Variants in LOC400499 observed in about 807,000 individuals in gnomAD.
At chr16:11,373,918 C>T in the LOC400499 span, among the ~76,000 whole-genome samples, 2 of 152,138 alleles carry the variant, frequency 1.3e-5, no homozygotes, top group Non-Finnish European at 2.9e-5. Flanking sequence ...CCTTGCCTGG[C>T]CGGGAAGCAC....
the LOC400499 span, among the ~76,000 whole-genome samples, chr16:11,373,897 G>A: frequency 6.6e-6 from 1 of 152,280 alleles, no homozygotes; most frequent in South Asian, 2.1e-4. Flanking sequence ...TGGCATTACA[G>A]GCATGAGTGA....
chr16:11,468,945 T>C, the LOC400499 span, among the ~76,000 whole-genome samples: 1 of 152,266 alleles, frequency 6.6e-6, no homozygotes, highest in East Asian at 1.9e-4. Context: ...TAAAAGCATG[T>C]TTTTGTGTTA....
the LOC400499 span, among the ~76,000 whole-genome samples, chr16:11,461,283 G>C: frequency 6.6e-6 from 1 of 152,222 alleles, no homozygotes; most frequent in Non-Finnish European, 1.5e-5. Flanking sequence ...AGACAGGCCT[G>C]ATCACAGCTC....
the LOC400499 span, among the ~76,000 whole-genome samples, chr16:11,418,567 G>C: frequency 6.6e-6 from 1 of 152,116 alleles, no homozygotes; most frequent in Non-Finnish European, 1.5e-5. Flanking sequence ...TCCACCCCTT[G>C]TTTAGCATAT....
chr16:11,396,832 C>T, the LOC400499 span, among the ~76,000 whole-genome samples: 3 of 152,112 alleles, frequency 2.0e-5, no homozygotes, highest in Non-Finnish European at 2.9e-5. Flanking sequence ...AATCAGATGC[C>T]GTCCCCTAAG....
chr16:11,476,481 AAC>A, the LOC400499 span, among the ~76,000 whole-genome samples: 1 of 151,946 alleles, frequency 6.6e-6, no homozygotes, highest in Non-Finnish European at 1.5e-5. Flanking sequence ...GCACTCCCAC[AAC>A]ACACTCACTC....
At chr16:11,474,471 C>T in the LOC400499 span, among the ~76,000 whole-genome samples, 5 of 152,038 alleles carry the variant, frequency 3.3e-5, no homozygotes, top group Non-Finnish European at 5.9e-5. Context: ...AATGATGCAA[C>T]GAACATCTTT....
the LOC400499 span, chr16:11,372,169 A>T: frequency 1.3e-5 from 2 of 152,208 alleles, no homozygotes; most frequent in Non-Finnish European, 2.9e-5. Context: ...CCCCTGAAGC[A>T]TTCAGTCCCA....
At chr16:11,493,403 T>A in the LOC400499 span, among the ~76,000 whole-genome samples, 3 of 152,222 alleles carry the variant, frequency 2.0e-5, no homozygotes, top group East Asian at 5.8e-4. Flanking sequence ...TGCCAAACCC[T>A]GTACTAGAGG....
the LOC400499 span, among the ~76,000 whole-genome samples, chr16:11,388,341 G>A: frequency 1.3e-5 from 2 of 152,200 alleles, no homozygotes; most frequent in African/African-American, 4.8e-5. Flanking sequence ...GAAGGCAGGA[G>A]CAGGAACTTG....
At chr16:11,417,593 C>A in the LOC400499 span, 2 of 395,738 alleles carry the variant, frequency 5.1e-6, no homozygotes, top group Non-Finnish European at 4.4e-6. Context: ...ATGGAGGAAG[C>A]CAGCTCCCCA....
chr16:11,374,202 G>A, the LOC400499 span, among the ~76,000 whole-genome samples: 13 of 152,102 alleles, frequency 8.5e-5, no homozygotes, highest in Admixed American at 8.5e-4. Flanking sequence ...GTCTGTGCTA[G>A]CTTTTACTCT....
At chr16:11,453,049 G>A in the LOC400499 span, among the ~76,000 whole-genome samples, 3 of 151,902 alleles carry the variant, frequency 2.0e-5, no homozygotes, top group Non-Finnish European at 4.4e-5. Flanking sequence ...TCCTTTTTAC[G>A]GCAGCCTTAG....
At chr16:11,384,128 T>A in the LOC400499 span, 1 of 1,216,950 alleles carries the variant, frequency 8.2e-7, no homozygotes, top group Non-Finnish European at 1.0e-6. Flanking sequence ...TGCAGAGCCA[T>A]CAGGCCGCCT....
chr16:11,470,539 G>A, the LOC400499 span: 1 of 152,182 alleles, frequency 6.6e-6, no homozygotes, highest in Admixed American at 6.5e-5. Flanking sequence ...TCGGTCTCTT[G>A]TTGGGGAAGT....
the LOC400499 span, chr16:11,459,960 T>C: frequency 1.3e-4 from 192 of 1,512,620 alleles, no homozygotes; most frequent in Middle Eastern, 1.7e-4. Flanking sequence ...GACACGGAGA[T>C]GCCTCTTGTT....
At chr16:11,487,940 C>T in the LOC400499 span, among the ~76,000 whole-genome samples, 3 of 151,796 alleles carry the variant, frequency 2.0e-5, no homozygotes, top group African/African-American at 7.3e-5. Flanking sequence ...ATGGTGAAAC[C>T]CCATCTCCAC....
chr16:11,450,793 A>G, the LOC400499 span: 11 of 1,534,878 alleles, frequency 7.2e-6, no homozygotes, highest in Non-Finnish European at 9.6e-6. Context: ...AGAGACCATC[A>G]GCCATGGACT....
At chr16:11,506,122 C>T in the LOC400499 span, among the ~76,000 whole-genome samples, 4 of 152,042 alleles carry the variant, frequency 2.6e-5, no homozygotes, top group East Asian at 1.9e-4. Context: ...CTGTAACCTC[C>T]GCCTCCTGGG....
Sources: gnomAD v4.1 joint callset for allele counts (sites outside exome capture counted in the v4.1 genomes callset) on GRCh38, gnomAD v4.1.1 for gene constraint, MANE v1.5 for transcripts.